The following CCSER1 variants were observed in gnomAD, a reference collection of about 807,000 sequenced individuals.
CCSER1 encodes the protein coiled-coil serine rich protein 1, also known as serine-rich coiled-coil domain-containing protein 1.
A neutral mutation model predicts 82.0 loss-of-function variants in CCSER1; 41 were observed. That is an observed-to-expected ratio of 0.50 (90% CI 0.39 to 0.65). The LOEUF (loss-of-function observed/expected upper bound fraction) is 0.65. Among genes scored for constraint, CCSER1 ranks in the 30% least tolerant of loss-of-function variants. The pLI, the probability that CCSER1 is intolerant of heterozygous loss-of-function variation, is 0.00. For missense variants in CCSER1, 1,119 were observed against 1,064.2 expected (o/e 1.05, Z -0.72); for synonymous variants, 414 against 383.9 (o/e 1.08, Z -0.92).
chr4:90,779,151 C>T (rs1438041248), intron 7 of CCSER1, among the ~76,000 whole-genome samples: 1 of 152,142 alleles, frequency 6.6e-6, no homozygotes, highest in African/African-American at 2.4e-5. Flanking sequence ...CTAAGAAGCA[C>T]AAATGATATG....
At chr4:90,157,635 C>T (rs1175483327) in intron 1 of CCSER1, among the ~76,000 whole-genome samples, 1 of 152,152 alleles carries the variant, frequency 6.6e-6, no homozygotes, top group Non-Finnish European at 1.5e-5. Context: ...CATCTTCCAT[C>T]ACTGATACCC....
At chr4:91,480,741 G>T (rs1013897311) in intron 10 of CCSER1, among the ~76,000 whole-genome samples, 1 of 152,156 alleles carries the variant, frequency 6.6e-6, no homozygotes, top group African/African-American at 2.4e-5. Flanking sequence ...GTTGGAAACA[G>T]CAGTCTAGAG....
chr4:90,145,202 T>C (rs1725570648), intron 1 of CCSER1, among the ~76,000 whole-genome samples: 1 of 152,144 alleles, frequency 6.6e-6, no homozygotes, highest in South Asian at 2.1e-4. Flanking sequence ...AATTAGATTT[T>C]AAATAAAAAT....
chr4:91,080,304 C>T (rs534988305), intron 9 of CCSER1, among the ~76,000 whole-genome samples: 3 of 152,320 alleles, frequency 2.0e-5, no homozygotes, highest in Admixed American at 2.0e-4. Flanking sequence ...GAACAACCTG[C>T]TCCTGAATGA....
At chr4:90,412,075 C>G (rs890439522) in intron 4 of CCSER1, among the ~76,000 whole-genome samples, 1 of 151,880 alleles carries the variant, frequency 6.6e-6, no homozygotes, top group Non-Finnish European at 1.5e-5. Flanking sequence ...AAATGTCCAA[C>G]AATGATAGAC....
At chr4:91,402,665 T>A (rs1222882334) in intron 10 of CCSER1, among the ~76,000 whole-genome samples, 3 of 152,202 alleles carry the variant, frequency 2.0e-5, no homozygotes, top group Non-Finnish European at 4.4e-5. Context: ...CTTTCCCCAT[T>A]TCTTGTTTTT....
chr4:90,598,807 G>A (rs1579379640), intron 5 of CCSER1, among the ~76,000 whole-genome samples: 1 of 152,044 alleles, frequency 6.6e-6, no homozygotes, highest in East Asian at 1.9e-4. Context: ...CAGGGGACAG[G>A]GTAGACATTA....
rs117195755 is a variant in CCSER1, at chr4:90,973,755, A to T, written c.2172+50308A>T. On this transcript the variant is annotated intron_variant, in intron 9 of 10. Transcript: ENST00000509176. ...TAGCAATAACCAAAGCATGGAAACA[A>T]CGTAAATATCTGCCCGTGGATGAAT... is the stretch of plus-strand genomic sequence containing the variant. Among the ~76,000 whole-genome samples, 33 of 151,800 alleles carry T rather than the reference A, an allele frequency of 2.2e-4. No homozygotes were observed. In the East Asian group the frequency reaches 6.0e-3, roughly 28 times the overall value.
chr4:91,010,943 A>G (rs2150501910), intron 9 of CCSER1, among the ~76,000 whole-genome samples: 2 of 134,528 alleles, frequency 1.5e-5, no homozygotes, highest in African/African-American at 2.5e-5. Flanking sequence ...CTGTTGTTGG[A>G]CAGTTACTGT....
intron 1 of CCSER1, among the ~76,000 whole-genome samples, chr4:90,189,699 T>C (rs1258926490): frequency 6.6e-6 from 1 of 151,986 alleles, no homozygotes; most frequent in Non-Finnish European, 1.5e-5. Flanking sequence ...CAAAAACATA[T>C]ACCTATTTAC....
chr4:90,665,538 G>A (rs1731601732), intron 6 of CCSER1, among the ~76,000 whole-genome samples: 1 of 152,008 alleles, frequency 6.6e-6, no homozygotes, highest in Non-Finnish European at 1.5e-5. Flanking sequence ...AGCCAGGATG[G>A]TCTCGATCTC....
intron 10 of CCSER1, among the ~76,000 whole-genome samples, chr4:91,498,057 TGTGCA>T (rs1759017664): frequency 1.3e-5 from 2 of 151,990 alleles, no homozygotes; most frequent in Non-Finnish European, 2.9e-5. Flanking sequence ...ACAGCTTCGC[TGTGCA>T]TCCGGCCCTT....
intron 9 of CCSER1, among the ~76,000 whole-genome samples, chr4:90,947,661 C>T (rs1732417026): frequency 6.6e-6 from 1 of 152,112 alleles, no homozygotes. Flanking sequence ...TTATACTTGT[C>T]AGAATTAATT....
intron 10 of CCSER1, among the ~76,000 whole-genome samples, chr4:91,308,392 C>T (rs1171423401): frequency 1.3e-5 from 2 of 151,888 alleles, no homozygotes; most frequent in African/African-American, 4.8e-5. Flanking sequence ...TAAGTGGAAG[C>T]GTTTGGTGTT....
chr4:90,861,306 T>C (rs955795009), intron 8 of CCSER1, among the ~76,000 whole-genome samples: 2 of 151,786 alleles, frequency 1.3e-5, no homozygotes, highest in African/African-American at 4.8e-5. Context: ...AGATGTAATG[T>C]GTATTTAAAT....
chr4:91,139,878 C>G (rs1728864473), intron 10 of CCSER1, among the ~76,000 whole-genome samples: 1 of 152,096 alleles, frequency 6.6e-6, no homozygotes, highest in African/African-American at 2.4e-5. Flanking sequence ...TCCATTGAGA[C>G]TAGTTTGCTT....
At chr4:91,248,183 A>T (rs1739962306) in intron 10 of CCSER1, among the ~76,000 whole-genome samples, 1 of 152,194 alleles carries the variant, frequency 6.6e-6, no homozygotes, top group African/African-American at 2.4e-5. Flanking sequence ...TAAGATAAAT[A>T]CCCACATATG....
At chr4:91,212,403 A>C (rs1207692367) in intron 10 of CCSER1, among the ~76,000 whole-genome samples, 1 of 151,816 alleles carries the variant, frequency 6.6e-6, no homozygotes, top group Admixed American at 6.6e-5. Context: ...TTTCCTCTCT[A>C]ATGCCATCCC....
chr4:91,436,670 A>G (rs1041852180), intron 10 of CCSER1, among the ~76,000 whole-genome samples: 10 of 152,206 alleles, frequency 6.6e-5, no homozygotes, highest in Non-Finnish European at 1.5e-4. Flanking sequence ...TATTTCTTTA[A>G]GATCAAGGCT....
Sources: gnomAD v4.1 joint callset for allele counts (sites outside exome capture counted in the v4.1 genomes callset) on GRCh38, gnomAD v4.1.1 for gene constraint, MANE v1.5 for transcripts, NCBI Gene and HGNC (gene_info 2026-07-23, HGNC 2026-07-21) for gene names.